The following L3MBTL2 variants were observed in gnomAD, a reference collection of about 807,000 sequenced individuals.
L3MBTL2 encodes lethal(3)malignant brain tumor-like protein 2.
A neutral mutation model predicts 86.4 loss-of-function variants in L3MBTL2; 49 were observed. The ratio of observed to expected loss-of-function variants is 0.57; its 90% CI spans 0.45 to 0.72. The LOEUF (loss-of-function observed/expected upper bound fraction) is 0.72, where lower values mean the gene tolerates loss of function less well. Ranked by LOEUF, L3MBTL2 falls within the 30% of genes least tolerant of loss-of-function variation. The probability of loss-of-function intolerance (pLI) is 0.00; values close to 1 mark genes in which losing one functional copy is unlikely to be tolerated. For synonymous variants in L3MBTL2, 336 were observed against 350.6 expected (o/e 0.96, Z 0.47); for missense variants, 755 against 923.7 (o/e 0.82, Z 2.37).
chr22:41,226,814 G>T, intron 13 of L3MBTL2, 70 bp downstream of exon 13: 1 of 1,129,856 alleles, frequency 8.9e-7, no homozygotes. Flanking sequence ...TGCTGTCAGT[G>T]GTGGCAGTTC....
intron 4 of L3MBTL2, among the ~76,000 whole-genome samples, 193 bp downstream of exon 4, chr22:41,216,455 C>T (rs1311965108): frequency 6.6e-6 from 1 of 152,166 alleles, no homozygotes; most frequent in Non-Finnish European, 1.5e-5. Context: ...TGCCTTCAAA[C>T]ACCCTTAAAT....
In L3MBTL2 at chr22:41,227,351, TCTGA is replaced by T; in HGVS notation, c.1822+31_1822+34del. ...GTGGGCTCTCGTGGCCCTAAGAGGCTCTGACTTTCTTTCCTCTTCTTTTTTCCTT... is the reference window on the plus strand; with the variant it reads ...GTGGGCTCTCGTGGCCCTAAGAGGCTCTTTCTTTCCTCTTCTTTTTTCCTT... On this transcript the variant is annotated intron_variant, in intron 14 of 16. Transcript: ENST00000216237. This position sits in a 1 kb window ranked among gnomAD's most constrained non-coding sequence, Gnocchi z 6.0. The T allele has an allele frequency of 2.6e-6, 4 of 1,545,830 alleles. No homozygotes were observed. The highest frequency in any genetic ancestry group is 3.5e-6 in the Non-Finnish European group (4 of 1,138,528).
At chr22:41,211,455 T>G (rs929785857) in intron 2 of L3MBTL2, among the ~76,000 whole-genome samples, 6 of 151,420 alleles carry the variant, frequency 4.0e-5, no homozygotes, top group African/African-American at 1.5e-4. Context: ...ATCCCCCACC[T>G]CAGCCTCCCA....
At chr22:41,230,117 C>T (rs2032492130) in intron 16 of L3MBTL2, 22 bp from the exon 17 acceptor site, 3 of 1,222,228 alleles carry the variant, frequency 2.5e-6, no homozygotes, top group Non-Finnish European at 1.2e-6. Flanking sequence ...CGCCCACCCA[C>T]CCGCCTCCCC....
chr22:41,217,315 G>A (rs2031465858), intron 5 of L3MBTL2, 113 bp downstream of exon 5: 2 of 748,022 alleles, frequency 2.7e-6, no homozygotes, highest in Non-Finnish European at 4.6e-6. Context: ...GGAGGTCTGG[G>A]CAGGAGACGG....
At position 41,211,557 on chromosome 22, in the gene L3MBTL2, C is replaced by CTTTCTTTTTTTTTTTTTTTT. The variant is rs1039028243; in HGVS notation, c.262+1627_262+1628insCTTTTTTTTTTTTTTTTTTT. Among the ~76,000 whole-genome samples the CTTTCTTTTTTTTTTTTTTTT allele has an allele frequency of 8.5e-4, 83 of 97,352 alleles. 11 individuals carry two copies. The highest frequency in any genetic ancestry group is 2.3e-3 in the African/African-American group (55 of 23,508). The allele number at this position is 97,352 out of a possible 152,430, so 63.9% of individuals were successfully genotyped here. On this transcript the variant is annotated intron_variant, in intron 2 of 16. Coordinates refer to ENST00000216237, the MANE Select transcript of L3MBTL2 (RefSeq NM_031488.5). ...ACTCTTTGCAGTTGAATCTTATTTC[C>CTTTCTTTTTTTTTTTTTTTT]TTTTTTTTTTTTTTTTTGAGACGGA...
chr22:41,226,714 G>C lies in L3MBTL2; in HGVS notation c.1557G>C (p.Ser519=). 1.2e-6 allele frequency: 2 copies of C among 1,613,978 alleles called. No homozygotes were observed. The highest frequency in any genetic ancestry group is 1.7e-6 in the Non-Finnish European group (2 of 1,179,852). Residue 519 remains serine, a synonymous_variant, in exon 13 of 17, where the codon TCG becomes TCC. Coordinates refer to ENST00000216237, the MANE Select transcript of L3MBTL2 (RefSeq NM_031488.5). ...AGAACTACTTGGAGAAGACCAAGTCGAAAGCCGCTCCATCGAGACTCTTTA... is the reference window on the plus strand; with the variant it reads ...AGAACTACTTGGAGAAGACCAAGTCCAAAGCCGCTCCATCGAGACTCTTTA... ...NWENYLEKTK[S]KAAPSRLFNM...
In L3MBTL2 at chr22:41,224,125, G is replaced by A. The variant is rs1052928479; in HGVS notation, c.1048G>A (p.Gly350Arg). Residue 350 changes from glycine to arginine, a missense_variant, in exon 9 of 17, where the codon GGG (glycine) becomes AGG (arginine). Gly to Arg is a moderately radical substitution (Grantham distance 125). Transcript: ENST00000216237. The surrounding 1 kb of genome is among the most constrained non-coding windows in gnomAD (Gnocchi z 4.9). ...CATGGCTGTGGTGGACACAGTAATC[G>A]GGGGTCGCCTACGGCTCCTCTACGA... ...TRMAVVDTVIGGRLRLLYEDG... is the reference protein window; with the variant it reads ...TRMAVVDTVIRGRLRLLYEDG... 11 of 1,614,016 alleles carry A rather than the reference G, an allele frequency of 6.8e-6. No individual in the cohort carries two copies. Among genetic ancestry groups the A allele is most frequent in the African/African-American group, 2.7e-5 (2 of 74,920 alleles).
chr22:41,216,029 C>A, intron 3 of L3MBTL2, 110 bp from the exon 4 acceptor site: 1 of 1,236,518 alleles, frequency 8.1e-7, no homozygotes, highest in Non-Finnish European at 1.1e-6. Context: ...AACTGAAGCC[C>A]AAAAGAGGTT....
chr22:41,211,579 C>T (rs1440372460), intron 2 of L3MBTL2, among the ~76,000 whole-genome samples: 3 of 51,208 alleles, frequency 5.9e-5, no homozygotes, highest in Non-Finnish European at 7.8e-5. Context: ...TTTTTTGAGA[C>T]GGAGTCTTGC....
chr22:41,223,881 G>C lies in L3MBTL2; in HGVS notation c.943-139G>C, dbSNP rs2032000868. On this transcript the variant is annotated intron_variant, in intron 8 of 16. Coordinates refer to ENST00000216237, the MANE Select transcript of L3MBTL2 (RefSeq NM_031488.5). ...GGCCAAGGTGAGCCTGGCAGCGCAG[G>C]CAGTCTCATCTGCCACCTCCCGACT... 6.0e-6 allele frequency: 4 copies of C among 668,192 alleles called. No homozygotes were observed. In the Admixed American group the frequency reaches 9.7e-5, roughly 16 times the overall value. 41.4% of individuals were successfully genotyped at this position (668,192 alleles called of 1,614,324 possible).
At chr22:41,212,551 C>A (rs2030966938) in intron 2 of L3MBTL2, among the ~76,000 whole-genome samples, 1 of 151,944 alleles carries the variant, frequency 6.6e-6, no homozygotes, top group Non-Finnish European at 1.5e-5. Flanking sequence ...ACGCCCACCA[C>A]CGCGCCCGGC....
At chr22:41,217,226 G>C in intron 5 of L3MBTL2, 24 bp downstream of exon 5, 1 of 1,586,112 alleles carries the variant, frequency 6.3e-7, no homozygotes, top group Non-Finnish European at 8.6e-7. Flanking sequence ...AGCTGAGGGA[G>C]GGAGGCCGGG....
At chr22:41,208,527 T>C (rs1413723680) in intron 1 of L3MBTL2, 3 of 278,756 alleles carry the variant, frequency 1.1e-5, no homozygotes, top group Non-Finnish European at 2.1e-5. Flanking sequence ...ATGAGAAAGT[T>C]GAAGCCCACA....
chr22:41,224,495 G>A lies in L3MBTL2; in HGVS notation c.1175-230G>A, dbSNP rs747566915. Among the ~76,000 whole-genome samples the A allele has an allele frequency of 2.0e-5, 3 of 152,176 alleles. No individual in the cohort carries two copies. The highest frequency in any genetic ancestry group is 6.5e-5 in the Admixed American group (1 of 15,282). On this transcript the variant is annotated intron_variant, in intron 9 of 16. Transcript: ENST00000216237. The surrounding 1 kb of genome is among the most constrained non-coding windows in gnomAD (Gnocchi z 4.9). ...CCCCGATCCTCTCCCCTGTCAATGC[G>A]GGAGCAGTCTGGGTTTCGAGGGCTG...
At chr22:41,221,393 A>T in intron 8 of L3MBTL2, 106 bp downstream of exon 8, 1 of 919,192 alleles carries the variant, frequency 1.1e-6, no homozygotes, top group Non-Finnish European at 1.7e-6. Context: ...TTGCCTGATG[A>T]TCTTCAGCAG....
At chr22:41,213,687 CA>C (rs748566596) in intron 2 of L3MBTL2, 6 of 513,712 alleles carry the variant, frequency 1.2e-5, no homozygotes, top group Non-Finnish European at 1.7e-5. Flanking sequence ...CATCTGTAGC[CA>C]AGGGAGGCCA....
Position 41,227,470 on chromosome 22 carries a change from C to T in L3MBTL2, c.1822+147C>T, listed in dbSNP as rs2032267724. 1 of 1,207,224 alleles carries T rather than the reference C, an allele frequency of 8.3e-7. No individual in the cohort carries two copies. The highest frequency in any genetic ancestry group is 1.2e-6 in the Non-Finnish European group (1 of 836,374). The allele number at this position is 1,207,224 out of a possible 1,614,324, so 74.8% of individuals were successfully genotyped here. A position where few individuals can be genotyped will look rare whatever the true frequency, so the allele number is the denominator to read the frequency against. Reference sequence around the variant, plus strand: ...TTAAGTAGAGAGTGAGCCCCGTCACCCAGCCCCTGCTCCTGACTTCTCTGT... The same window carrying T: ...TTAAGTAGAGAGTGAGCCCCGTCACTCAGCCCCTGCTCCTGACTTCTCTGT... On this transcript the variant is annotated intron_variant, in intron 14 of 16. Transcript: ENST00000216237. The surrounding 1 kb of genome is among the most constrained non-coding windows in gnomAD (Gnocchi z 6.0).
chr22:41,211,557 C>CTTTTTTTTTT (rs71200672), intron 2 of L3MBTL2, among the ~76,000 whole-genome samples: 2 of 97,392 alleles, frequency 2.1e-5, no homozygotes, highest in Non-Finnish European at 4.0e-5. Flanking sequence ...ATCTTATTTC[C>CTTTTTTTTTT]TTTTTTTTTT....
Sources: gnomAD v4.1 joint callset for allele counts (sites outside exome capture counted in the v4.1 genomes callset) on GRCh38, gnomAD v4.1.1 for gene constraint, Gnocchi (gnomAD v3.1) non-coding constraint, MANE v1.5 for transcripts, NCBI Gene and HGNC (gene_info 2026-07-23, HGNC 2026-07-21) for gene names.